Variants in CLCN6 observed in about 807,000 individuals in gnomAD.
CLCN6 encodes the protein H(+)/Cl(-) exchange transporter 6.
In CLCN6, 70 loss-of-function variants were observed where a neutral mutation model predicts 109.8. That is an observed-to-expected ratio of 0.64 (90% CI 0.53 to 0.78). The LOEUF is 0.78. Ranked by LOEUF, CLCN6 falls within the 30% of genes least tolerant of loss-of-function variation. The pLI, the probability that CLCN6 is intolerant of heterozygous loss-of-function variation, is 0.00. For missense variants in CLCN6, 984 were observed against 1,142.3 expected (o/e 0.86, Z 2.00); for synonymous variants, 444 against 447.8 (o/e 0.99, Z 0.11).
chr1:11,806,333 G>A lies in CLCN6; in HGVS notation c.71G>A (p.Arg24His). Residue 24 changes from arginine (R) to histidine (H), a missense_variant, in exon 1 of 23, where the codon CGC becomes CAC. Physicochemically the swap from Arg to His is conservative, Grantham distance 29. Coordinates refer to ENST00000346436, the MANE Select transcript of CLCN6 (RefSeq NM_001286.5). ...WCCCCGERET[R>H]TPEELTILGE... ...TGCTGCTGCGGTGAGCGTGAGACCC[G>A]CACCCCCGAGGAGCTGGTAAGAAGC... The A allele has an allele frequency of 2.0e-6, 3 of 1,515,320 alleles. No homozygotes were observed. Among genetic ancestry groups the A allele is most frequent in the Non-Finnish European group, 2.6e-6 (3 of 1,143,108 alleles). 93.9% of individuals were successfully genotyped at this position (1,515,320 alleles called of 1,614,324 possible). A position where few individuals can be genotyped will look rare whatever the true frequency, so the allele number is the denominator to read the frequency against.
intron 5 of CLCN6, chr1:11,820,340 C>T (rs1277842757): frequency 1.4e-6 from 1 of 713,742 alleles, no homozygotes; most frequent in Non-Finnish European, 2.6e-6. Flanking sequence ...TAGTTATATT[C>T]CTATTTCATA....
At chr1:11,828,666 CCT>C (rs756823632) in intron 12 of CLCN6, 42 bp downstream of exon 12, 120 of 1,558,950 alleles carry the variant, frequency 7.7e-5, no homozygotes, top group Non-Finnish European at 1.0e-4. Flanking sequence ...GCTGCGGCTC[CCT>C]GAGCTTGGTG....
chr1:11,808,245 G>C (rs1282361397), intron 2 of CLCN6, among the ~76,000 whole-genome samples: 1 of 149,748 alleles, frequency 6.7e-6, no homozygotes, highest in Non-Finnish European at 1.5e-5. Flanking sequence ...GTGTGTGTGT[G>C]TGTGTGTGTG....
At chr1:11,822,440 A>G (rs1644758114) in intron 5 of CLCN6, among the ~76,000 whole-genome samples, 1 of 152,254 alleles carries the variant, frequency 6.6e-6, no homozygotes, top group Middle Eastern at 3.4e-3. Context: ...ACATGGTCTC[A>G]CTACATTGCC....
intron 6 of CLCN6, 29 bp from the exon 7 acceptor site, chr1:11,823,678 T>G (rs1404594409): frequency 2.5e-6 from 4 of 1,613,834 alleles, no homozygotes; most frequent in Non-Finnish European, 3.4e-6. Context: ...GGATTTCGAG[T>G]TATGGGTGTG....
At chr1:11,815,515 C>T (rs568885504) in intron 2 of CLCN6, among the ~76,000 whole-genome samples, 52 of 152,308 alleles carry the variant, frequency 3.4e-4, no homozygotes, top group Middle Eastern at 6.8e-3. Flanking sequence ...CCTGCCTCAG[C>T]CTCCAAAGTA....
intron 2 of CLCN6, among the ~76,000 whole-genome samples, chr1:11,811,617 G>A (rs1644600512): frequency 6.6e-6 from 1 of 152,108 alleles, no homozygotes; most frequent in Non-Finnish European, 1.5e-5. Flanking sequence ...CCTGGCCTCG[G>A]GTGATCCGCC....
At chr1:11,839,867 G>A (rs1186464231) in intron 22 of CLCN6, among the ~76,000 whole-genome samples, 1 of 152,238 alleles carries the variant, frequency 6.6e-6, no homozygotes, top group Non-Finnish European at 1.5e-5. Flanking sequence ...GAAGCAGGCT[G>A]GTCATGATGG....
chr1:11,825,834 G>A (rs114004443), intron 8 of CLCN6, among the ~76,000 whole-genome samples: 2,916 of 152,294 alleles, frequency 0.019, 39 homozygotes, highest in Non-Finnish European at 0.029. Flanking sequence ...CGTTGGCCAG[G>A]TTGGTCTCCA....
At chr1:11,835,135 G>A (rs940677363) in intron 17 of CLCN6, among the ~76,000 whole-genome samples, 1 of 152,240 alleles carries the variant, frequency 6.6e-6, no homozygotes, top group African/African-American at 2.4e-5. Context: ...AACTTTCCGG[G>A]CTGTATGGTC....
chr1:11,823,333 C>T (rs181396337), intron 6 of CLCN6, among the ~76,000 whole-genome samples: 29 of 150,600 alleles, frequency 1.9e-4, no homozygotes, highest in Admixed American at 3.3e-4. Context: ...CAAAATTAGC[C>T]GGGCGTGGTG....
Position 11,838,388 on chromosome 1 carries a change from G to A in CLCN6, c.2349G>A (p.Arg783=). The A allele has an allele frequency of 6.2e-7, 1 of 1,613,850 alleles. No homozygotes were observed. The highest frequency in any genetic ancestry group is 8.5e-7 in the Non-Finnish European group (1 of 1,179,980). ...CCGAGATGGCCGAGGACTACCCGCGGTACCCCGACATCCACGACCTGGACC... is the reference window on the plus strand; with the variant it reads ...CCGAGATGGCCGAGGACTACCCGCGATACCCCGACATCCACGACCTGGACC... ...SYAEMAEDYP[R]YPDIHDLDLT... is the part of the protein sequence containing the mutation. The change falls in exon 21 of 23, where the codon CGG becomes CGA. Residue 783 remains arginine, a synonymous_variant. Transcript: ENST00000346436.
intron 22 of CLCN6, chr1:11,838,941 A>T: frequency 1.4e-6 from 1 of 714,756 alleles, no homozygotes; most frequent in Non-Finnish European, 2.6e-6. Context: ...TTCACTCCGT[A>T]CCACTGGTGT....
chr1:11,810,290 T>C (rs1644581495), intron 2 of CLCN6, among the ~76,000 whole-genome samples: 1 of 152,196 alleles, frequency 6.6e-6, no homozygotes, highest in Admixed American at 6.5e-5. Context: ...TTATAGGTGG[T>C]TTGAAAAATG....
At position 11,807,071 on chromosome 1, in the gene CLCN6, T is replaced by C. The variant is rs372389617; in HGVS notation, c.88-60T>C. 345 of 1,415,356 alleles carry C rather than the reference T, an allele frequency of 2.4e-4. 3 individuals are homozygous for C. The African/African-American group carries it at 4.1e-3, about 17-fold the overall frequency. 87.7% of individuals were successfully genotyped at this position (1,415,356 alleles called of 1,614,324 possible). A position where few individuals can be genotyped will look rare whatever the true frequency, so the allele number is the denominator to read the frequency against. On this transcript the variant is annotated intron_variant, in intron 1 of 22. Coordinates refer to ENST00000346436, the MANE Select transcript of CLCN6 (RefSeq NM_001286.5). ...CTAGCCACTGATTTCAGTAAATACT[T>C]CTGCCTCCTTCCACTCCTAACCACT...
intron 13 of CLCN6, among the ~76,000 whole-genome samples, chr1:11,830,885 G>A (rs1402279376): frequency 2.0e-5 from 3 of 151,812 alleles, no homozygotes; most frequent in Admixed American, 6.6e-5. Context: ...CCAGGCCGGA[G>A]TGCAGTGGCG....
intron 5 of CLCN6, among the ~76,000 whole-genome samples, chr1:11,821,175 A>C (rs776697850): frequency 2.8e-4 from 43 of 152,324 alleles, no homozygotes; most frequent in African/African-American, 7.9e-4. Context: ...AATAACAACA[A>C]TAAAACACCA....
At chr1:11,806,703 C>T (rs1644517270) in intron 1 of CLCN6, 1 of 354,688 alleles carries the variant, frequency 2.8e-6, no homozygotes, top group Non-Finnish European at 5.1e-6. Flanking sequence ...TTCTCCAGTC[C>T]TTTCTCACTC....
At chr1:11,813,736 A>G (rs569194320) in intron 2 of CLCN6, among the ~76,000 whole-genome samples, 2 of 152,286 alleles carry the variant, frequency 1.3e-5, no homozygotes, top group African/African-American at 4.8e-5. Context: ...GTGCTATGAG[A>G]ATTTCAGACA....
Sources: gnomAD v4.1 joint callset for allele counts (sites outside exome capture counted in the v4.1 genomes callset) on GRCh38, gnomAD v4.1.1 for gene constraint, MANE v1.5 for transcripts, NCBI Gene and HGNC (gene_info 2026-07-23, HGNC 2026-07-21) for gene names.